ANKFN1: variants seen among roughly 807,000 people sequenced by gnomAD.
The protein encoded by ANKFN1 is ankyrin repeat and fibronectin type III domain containing 1, also known as ankyrin repeat and fibronectin type-III domain-containing protein 1.
ANKFN1 carries 74 observed loss-of-function variants against 108.7 expected under a neutral mutation model. That is an observed-to-expected ratio of 0.68 (90% confidence interval 0.56 to 0.83). The LOEUF (loss-of-function observed/expected upper bound fraction) is 0.83. Ranked by LOEUF, ANKFN1 falls within the 40% of genes least tolerant of loss-of-function variation. ANKFN1 has a pLI of 0.00. For missense variants in ANKFN1, 1,505 were observed against 1,382.3 expected (o/e 1.09, Z -1.41); for synonymous variants, 547 against 516.2 (o/e 1.06, Z -0.81).
chr17:56,375,562 G>A (rs1350495696), intron 8 of ANKFN1, among the ~76,000 whole-genome samples: 3 of 152,202 alleles, frequency 2.0e-5, no homozygotes, highest in African/African-American at 4.8e-5. Context: ...GACAGGATCA[G>A]AGGTAGACTT....
At chr17:56,219,433 G>C (rs1456538564) in intron 2 of ANKFN1, among the ~76,000 whole-genome samples, 1 of 152,042 alleles carries the variant, frequency 6.6e-6, no homozygotes, top group Non-Finnish European at 1.5e-5. Context: ...TTTTAGTAGA[G>C]ATGGGATTTT....
At chr17:56,312,364 G>A (rs564666655) in intron 3 of ANKFN1, among the ~76,000 whole-genome samples, 1 of 152,308 alleles carries the variant, frequency 6.6e-6, no homozygotes, top group South Asian at 2.1e-4. Flanking sequence ...TAGACCCAGA[G>A]TATAAAAGAA....
chr17:56,103,583 G>A (rs550015129), intron 4 of ANKFN1, among the ~76,000 whole-genome samples: 18 of 152,192 alleles, frequency 1.2e-4, no homozygotes, highest in Admixed American at 8.5e-4. Context: ...AGGTAAAAGT[G>A]ATTTCTTTTC....
In ANKFN1 at chr17:56,400,125, G is replaced by T. The variant is rs538601955; in HGVS notation, c.910+25411G>T. Among the ~76,000 whole-genome samples, 22 of 151,940 alleles carry T rather than the reference G, an allele frequency of 1.4e-4. No homozygotes were observed. The South Asian group carries it at 4.6e-3, about 32-fold the overall frequency. ...CAGTAGTGGGATTGCTGGATCAAATGGTAGTCCTACTTTTAGTTATTTAAG... is the reference window on the plus strand; with the variant it reads ...CAGTAGTGGGATTGCTGGATCAAATTGTAGTCCTACTTTTAGTTATTTAAG... On this transcript the variant is annotated intron_variant, in intron 8 of 20. Coordinates refer to ENST00000682825, the MANE Select transcript of ANKFN1 (RefSeq NM_001370326.1).
At chr17:56,228,000 G>A (rs1916416170) in intron 3 of ANKFN1, 43 bp downstream of exon 3, 1 of 1,547,188 alleles carries the variant, frequency 6.5e-7, no homozygotes. Context: ...CTTCTCAGCT[G>A]TAATTCCTAA....
upstream of ANKFN1, among the ~76,000 whole-genome samples, chr17:56,149,359 A>T (rs1483025659): frequency 2.0e-5 from 3 of 152,166 alleles, no homozygotes; most frequent in African/African-American, 4.8e-5. Context: ...ATGTCTTGGG[A>T]TGAGTAAGCT....
At chr17:56,432,574 G>T (rs570670763) in intron 8 of ANKFN1, among the ~76,000 whole-genome samples, 1 of 152,198 alleles carries the variant, frequency 6.6e-6, no homozygotes, top group African/African-American at 2.4e-5. Context: ...TGCCCTGGTT[G>T]CTCAGTCAGG....
intron 4 of ANKFN1, among the ~76,000 whole-genome samples, chr17:56,095,753 G>A (rs1486295500): frequency 6.6e-6 from 1 of 152,212 alleles, no homozygotes; most frequent in Non-Finnish European, 1.5e-5. Flanking sequence ...GGGTTGGGCA[G>A]GCATTGAAAG....
chr17:56,510,615 T>C lies in ANKFN1; in HGVS notation c.2787T>C (p.Leu929=), dbSNP rs894503. The change falls in exon 21 of 21, where the codon CTT becomes CTC. Residue 929 remains leucine, a synonymous_variant. Transcript: ENST00000682825. The part of the protein sequence containing the change: ...LSSHDIAQQT[L]SGLSGSAPDV... ...CTCACGACATTGCGCAGCAGACCCT[T>C]AGCGGCCTAAGCGGCAGCGCCCCCG... The C allele has an allele frequency of 1.9e-4, 297 of 1,536,150 alleles. 1 individual carries two copies. The African/African-American group carries it at 3.7e-3, about 19-fold the overall frequency.
At chr17:56,057,833 A>G (rs1484794418) in intron 4 of ANKFN1, among the ~76,000 whole-genome samples, 1 of 152,130 alleles carries the variant, frequency 6.6e-6, no homozygotes, top group East Asian at 1.9e-4. Flanking sequence ...GGGCTGCAGA[A>G]TGGGTGTTAT....
chr17:56,480,518 G>A (rs929708926), intron 16 of ANKFN1, 150 bp from the exon 17 acceptor site: 2 of 780,846 alleles, frequency 2.6e-6, no homozygotes, highest in Non-Finnish European at 4.0e-6. Flanking sequence ...GCTCCATTTG[G>A]GTGGCAAAAT....
Position 56,120,268 on chromosome 17 carries a change from G to T in ANKFN1, c.288+73943G>T, listed in dbSNP as rs112746058. Among the ~76,000 whole-genome samples the T allele has an allele frequency of 3.3e-5, 5 of 152,196 alleles. No individual in the cohort carries two copies. The East Asian group carries it at 9.6e-4, about 29-fold the overall frequency. Reference sequence around the variant, plus strand: ...GGGCTTACACTGCTTTACTTGATCTGTTTCTACATCTCACTCCATTCTGCC... The same window carrying T: ...GGGCTTACACTGCTTTACTTGATCTTTTTCTACATCTCACTCCATTCTGCC... On this transcript the variant is annotated intron_variant, in intron 4 of 12. Coordinates refer to the ANKFN1 transcript ENST00000635860.
intron 8 of ANKFN1, among the ~76,000 whole-genome samples, chr17:56,389,095 A>G (rs2047358035): frequency 6.6e-6 from 1 of 152,210 alleles, no homozygotes; most frequent in Non-Finnish European, 1.5e-5. Context: ...TTACTTTTAT[A>G]GAGAAACTTG....
intron 8 of ANKFN1, among the ~76,000 whole-genome samples, chr17:56,436,560 A>T (rs1598607150): frequency 6.6e-6 from 1 of 152,184 alleles, no homozygotes; most frequent in African/African-American, 2.4e-5. Context: ...ACGGTGGCTC[A>T]TGCCTATAAT....
At chr17:56,460,159 A>G (rs2049853103) in intron 14 of ANKFN1, among the ~76,000 whole-genome samples, 1 of 152,020 alleles carries the variant, frequency 6.6e-6, no homozygotes, top group South Asian at 2.1e-4. Context: ...TCTCTACTAA[A>G]TTTGCTTTCT....
chr17:56,404,515 G>GT (rs917946863), intron 8 of ANKFN1, among the ~76,000 whole-genome samples: 6 of 152,002 alleles, frequency 3.9e-5, no homozygotes, highest in Admixed American at 2.6e-4. Context: ...CTTTTTTATG[G>GT]TTTTTTCTTC....
chr17:56,289,410 G>A (rs1247359081), intron 3 of ANKFN1, among the ~76,000 whole-genome samples: 1 of 152,064 alleles, frequency 6.6e-6, no homozygotes, highest in African/African-American at 2.4e-5. Context: ...CAGCAGATTC[G>A]CTCATAAGAA....
At chr17:56,281,877 T>C (rs955006935) in intron 3 of ANKFN1, among the ~76,000 whole-genome samples, 2 of 152,220 alleles carry the variant, frequency 1.3e-5, no homozygotes, top group Non-Finnish European at 2.9e-5. Flanking sequence ...TCACATAGAT[T>C]GTTCATGGGA....
intron 3 of ANKFN1, among the ~76,000 whole-genome samples, chr17:56,298,766 A>G (rs1333361436): frequency 6.6e-6 from 1 of 152,210 alleles, no homozygotes. Context: ...CACAATGTAC[A>G]GTTTCTTTGA....
Sources: allele counts gnomAD v4.1 joint callset (sites outside exome capture counted in the v4.1 genomes callset), GRCh38; gene constraint gnomAD v4.1.1; transcripts MANE v1.5; gene names NCBI Gene and HGNC (gene_info 2026-07-23, HGNC 2026-07-21).